Variants in GPX7 observed in about 807,000 individuals in gnomAD.
GPX7 encodes glutathione peroxidase 7, also known as protein peroxidase GPX7.
Under a neutral mutation model 23.7 loss-of-function variants are expected in GPX7, and 21 were observed. The ratio of observed to expected loss-of-function variants is 0.89; its 90% CI spans 0.63 to 1.28. The LOEUF is 1.28. Among genes scored for constraint, GPX7 ranks in the 50% most tolerant of loss-of-function variants. The probability of loss-of-function intolerance (pLI) is 0.00; values close to 1 mark genes in which losing one functional copy is unlikely to be tolerated. For missense variants in GPX7, 238 were observed against 237.3 expected (o/e 1.00, Z -0.02); for synonymous variants, 112 against 101.8 (o/e 1.10, Z -0.61).
At chr1:52,604,105 A>G (rs1482989141) in intron 1 of GPX7, among the ~76,000 whole-genome samples, 1 of 152,188 alleles carries the variant, frequency 6.6e-6, no homozygotes, top group Admixed American at 6.5e-5. Context: ...AAGGAGAAGA[A>G]AGACAATAAA....
intron 1 of GPX7, among the ~76,000 whole-genome samples, chr1:52,602,756 A>G (rs1571658846): frequency 6.6e-6 from 1 of 151,438 alleles, no homozygotes; most frequent in East Asian, 1.9e-4. Context: ...GCCCGCGGCT[A>G]CGTGGCACGG....
At position 52,602,519 on chromosome 1, in the gene GPX7, T is replaced by C. The variant is rs761652737; in HGVS notation, c.110T>C (p.Leu37Pro). ...DFKAVNIRGK[L>P]VSLEKYRGSV... The stretch of plus-strand genomic sequence containing the variant: ...AAGGCGGTCAACATCCGGGGCAAAC[T>C]GGTGTCGCTGGAGAAGTACCGCGGA... The change falls in exon 1 of 3, where the codon CTG becomes CCG. Residue 37 changes from leucine (L) to proline (P), a missense_variant. By Grantham distance (98) the Leu-to-Pro change is moderately conservative. Coordinates refer to ENST00000361314, the MANE Select transcript of GPX7 (RefSeq NM_015696.5). 2 of 1,564,224 alleles carry C rather than the reference T, an allele frequency of 1.3e-6. No homozygotes were observed. The highest frequency in any genetic ancestry group is 1.9e-5 in the Admixed American group (1 of 53,522).
intron 1 of GPX7, among the ~76,000 whole-genome samples, chr1:52,604,409 T>C (rs1690832738): frequency 6.6e-6 from 1 of 152,212 alleles, no homozygotes; most frequent in Admixed American, 6.5e-5. Flanking sequence ...TGGGTCCAGC[T>C]CTGATGACAT....
chr1:52,604,871 C>T (rs749074689), intron 1 of GPX7, among the ~76,000 whole-genome samples: 3 of 152,056 alleles, frequency 2.0e-5, no homozygotes, highest in South Asian at 2.1e-4. Flanking sequence ...GGTGAAACTC[C>T]GTCTGTACTT....
At chr1:52,607,071 G>T in intron 2 of GPX7, 126 bp downstream of exon 2, 1 of 826,768 alleles carries the variant, frequency 1.2e-6, no homozygotes, top group South Asian at 1.6e-5. Flanking sequence ...ATCATCTCAG[G>T]TGGACTGATG....
Position 52,602,384 on chromosome 1 carries a change from C to T in GPX7, c.-26C>T. 1 of 1,448,056 alleles carries T rather than the reference C, an allele frequency of 6.9e-7. No individual in the cohort carries two copies. The highest frequency in any genetic ancestry group is 9.1e-7 in the Non-Finnish European group (1 of 1,099,506). 89.7% of individuals were successfully genotyped at this position (1,448,056 alleles called of 1,614,324 possible). On this transcript the variant is annotated 5_prime_UTR_variant, in exon 1 of 3. Coordinates refer to ENST00000361314, the MANE Select transcript of GPX7 (RefSeq NM_015696.5). ...TCCCCCCGCCCCGTCTTTGCCCTCG[C>T]GACGCCGCCACCTCCGGAACAAGCC... is the stretch of plus-strand genomic sequence containing the variant.
intron 2 of GPX7, 100 bp from the exon 3 acceptor site, chr1:52,608,162 T>C: frequency 9.1e-7 from 1 of 1,103,544 alleles, no homozygotes; most frequent in African/African-American, 1.6e-5. Context: ...GGACTGGGCA[T>C]CAGGATTAGC....
At chr1:52,602,610 G>A in intron 1 of GPX7, 63 bp downstream of exon 1, 38 of 1,107,114 alleles carry the variant, frequency 3.4e-5, no homozygotes, top group Middle Eastern at 2.6e-4. Context: ...GCCTGCTGGG[G>A]ACGCCCCGCA....
intron 2 of GPX7, among the ~76,000 whole-genome samples, chr1:52,607,690 G>A (rs1399664922): frequency 6.6e-6 from 1 of 152,168 alleles, no homozygotes; most frequent in Non-Finnish European, 1.5e-5. Flanking sequence ...ACTGCGGCAG[G>A]TTTGTGTTTT....
intron 2 of GPX7, among the ~76,000 whole-genome samples, chr1:52,607,968 C>G (rs1571661274): frequency 6.6e-6 from 1 of 152,096 alleles, no homozygotes; most frequent in Non-Finnish European, 1.5e-5. Context: ...AGGGTGTAGA[C>G]TATTCAGTAG....
intron 1 of GPX7, among the ~76,000 whole-genome samples, chr1:52,603,896 T>C (rs924581978): frequency 2.0e-5 from 3 of 152,118 alleles, no homozygotes; most frequent in Non-Finnish European, 4.4e-5. Flanking sequence ...CAGGGCCCGC[T>C]CCAATTCAGG....
intron 2 of GPX7, chr1:52,607,404 G>A (rs1359267670): frequency 6.1e-6 from 1 of 164,768 alleles, no homozygotes; most frequent in Non-Finnish European, 1.3e-5. Context: ...GCCATGGAGG[G>A]AGACCTTCTA....
chr1:52,604,695 G>A (rs1294265649), intron 1 of GPX7, among the ~76,000 whole-genome samples: 1 of 152,186 alleles, frequency 6.6e-6, no homozygotes, highest in East Asian at 1.9e-4. Flanking sequence ...GGAACTAGAA[G>A]CCAGATTTTC....
chr1:52,602,656 TC>T, intron 1 of GPX7, 109 bp downstream of exon 1: 1 of 442,608 alleles, frequency 2.3e-6, no homozygotes, highest in Non-Finnish European at 3.4e-6. Context: ...CCGAGGACGC[TC>T]CAGCCGCGCG....
intron 1 of GPX7, among the ~76,000 whole-genome samples, chr1:52,605,345 T>C (rs1690843864): frequency 6.6e-6 from 1 of 152,090 alleles, no homozygotes; most frequent in South Asian, 2.1e-4. Flanking sequence ...TAGGGCACAA[T>C]TGGCAATGTC....
At chr1:52,605,012 T>C (rs1404315653) in intron 1 of GPX7, among the ~76,000 whole-genome samples, 1 of 127,738 alleles carries the variant, frequency 7.8e-6, no homozygotes, top group Admixed American at 9.7e-5. Context: ...GCCACTGCAC[T>C]CCAGCCTTGG....
In GPX7 at chr1:52,602,497, G is replaced by T. The variant is rs775274016; in HGVS notation, c.88G>T (p.Ala30Ser). 2 of 1,564,256 alleles carry T rather than the reference G, an allele frequency of 1.3e-6. No homozygotes were observed. The highest frequency in any genetic ancestry group is 3.7e-5 in the Admixed American group (2 of 54,000). ...GGAGCAGGACTTCTACGACTTCAAG[G>T]CGGTCAACATCCGGGGCAAACTGGT... is the stretch of plus-strand genomic sequence containing the variant. ...QQEQDFYDFK[A>S]VNIRGKLVSL... The change falls in exon 1 of 3, where the codon GCG becomes TCG. Residue 30 changes from alanine (A) to serine (S), a missense_variant. By Grantham distance (99) the Ala-to-Ser change is moderately conservative (BLOSUM62 1). Coordinates refer to ENST00000361314, the MANE Select transcript of GPX7 (RefSeq NM_015696.5).
Position 52,606,936 on chromosome 1 carries a change from T to A in GPX7, c.391T>A (p.Tyr131Asn). 1 of 1,614,134 alleles carries A rather than the reference T, an allele frequency of 6.2e-7. No homozygotes were observed. Among genetic ancestry groups the A allele is most frequent in the East Asian group, 2.2e-5 (1 of 44,884 alleles). ...TGTGAHPAFKYLAQTSGKEPT... is the reference protein window; with the variant it reads ...TGTGAHPAFKNLAQTSGKEPT... Reference sequence around the variant, plus strand: ...TACTGGTGCCCATCCTGCCTTCAAGTACCTGGCCCGTAAGTCCTGGTCTCT... The same window carrying A: ...TACTGGTGCCCATCCTGCCTTCAAGAACCTGGCCCGTAAGTCCTGGTCTCT... Residue 131 changes from tyrosine to asparagine, a missense_variant, in exon 2 of 3, where the codon TAC becomes AAC. Coordinates refer to ENST00000361314, the MANE Select transcript of GPX7 (RefSeq NM_015696.5).
At position 52,602,442 on chromosome 1, in the gene GPX7, G is replaced by A. The variant is rs769118935; in HGVS notation, c.33G>A (p.Leu11=). 2 of 1,527,978 alleles carry A rather than the reference G, an allele frequency of 1.3e-6. No homozygotes were observed. The highest frequency in any genetic ancestry group is 1.8e-6 in the Non-Finnish European group (2 of 1,141,884). 94.7% of individuals were successfully genotyped at this position (1,527,978 alleles called of 1,614,324 possible). Residue 11 remains leucine (L), a synonymous_variant, in exon 1 of 3, where the codon CTG becomes CTA. Transcript: ENST00000361314. The part of the protein sequence containing the change: MVAATVAAAW[L]LLWAAACAQQ... ...CGGCGACGGTGGCAGCGGCGTGGCT[G>A]CTCCTGTGGGCTGCGGCCTGCGCGC...
Sources: gnomAD v4.1 joint callset for allele counts (sites outside exome capture counted in the v4.1 genomes callset) on GRCh38, gnomAD v4.1.1 for gene constraint, MANE v1.5 for transcripts, NCBI Gene and HGNC (gene_info 2026-07-23, HGNC 2026-07-21) for gene names.